Variants in STK32B observed in about 807,000 individuals in gnomAD.
STK32B encodes the protein serine/threonine-protein kinase 32B.
STK32B carries 43 observed loss-of-function variants against 52.6 expected under a neutral mutation model. The observed-to-expected ratio is 0.82, with a 90% CI of 0.64 to 1.05. The LOEUF (loss-of-function observed/expected upper bound fraction) is 1.05. STK32B is among the 50% of genes least tolerant of loss of function. The pLI, the probability that STK32B is intolerant of heterozygous loss-of-function variation, is 0.00. For synonymous variants in STK32B, 238 were observed against 204.3 expected, an observed-to-expected ratio of 1.17 and a Z score of -1.41; for missense variants, 621 against 534.6, an observed-to-expected ratio of 1.16 and a Z score of -1.59.
intron 4 of STK32B, among the ~76,000 whole-genome samples, chr4:5,373,963 T>C (rs75363603): frequency 0.029 from 4,463 of 152,136 alleles, 82 homozygotes; most frequent in East Asian, 0.076. Flanking sequence ...TAATTGAAAA[T>C]AGGATCTTTG....
chr4:5,041,845 A>C, the STK32B span, among the ~76,000 whole-genome samples: 1 of 152,026 alleles, frequency 6.6e-6, no homozygotes, highest in Non-Finnish European at 1.5e-5. Flanking sequence ...GCCAAACAGA[A>C]CATATTGAAA....
At chr4:5,407,227 T>C (rs954408800) in intron 5 of STK32B, among the ~76,000 whole-genome samples, 1 of 152,136 alleles carries the variant, frequency 6.6e-6, no homozygotes, top group African/African-American at 2.4e-5. Context: ...CAGTTCCCAA[T>C]AGGTTCCTCA....
chr4:5,126,787 C>T (rs1560165043), intron 1 of STK32B, among the ~76,000 whole-genome samples: 1 of 152,114 alleles, frequency 6.6e-6, no homozygotes, highest in Non-Finnish European at 1.5e-5. Flanking sequence ...AATGATTCGA[C>T]GGGCAGCTCT....
intron 3 of STK32B, among the ~76,000 whole-genome samples, chr4:5,217,478 T>G (rs1249994811): frequency 6.6e-6 from 1 of 152,220 alleles, no homozygotes; most frequent in Non-Finnish European, 1.5e-5. Context: ...TTTAGCTCAT[T>G]AGCAGTTTTT....
rs1449899342 is a variant in STK32B, at chr4:5,200,475, A to G, written c.260+32025A>G. The stretch of plus-strand genomic sequence containing the variant: ...TGTTTGCCAGGGAGTCGTGGCTCCC[A>G]GTTGCTCCCACATGCTCCCCTTCTC... On this transcript the variant is annotated intron_variant, in intron 3 of 11. Coordinates refer to ENST00000282908, the MANE Select transcript of STK32B (RefSeq NM_018401.3). Among the ~76,000 whole-genome samples the G allele has an allele frequency of 3.3e-5, 5 of 152,140 alleles. No homozygotes were observed. The East Asian group carries it at 9.6e-4, about 29-fold the overall frequency.
upstream of STK32B, among the ~76,000 whole-genome samples, chr4:5,046,846 T>C (rs1028786800): frequency 6.6e-6 from 1 of 152,198 alleles, no homozygotes; most frequent in African/African-American, 2.4e-5. Context: ...CAATAGATGC[T>C]GGTGAGGCTG....
At chr4:5,263,088 C>T (rs569427994) in intron 3 of STK32B, among the ~76,000 whole-genome samples, 83 of 149,930 alleles carry the variant, frequency 5.5e-4, no homozygotes, top group Non-Finnish European at 9.9e-4. Context: ...AGCCCTCTTT[C>T]CACTAGACTA....
chr4:5,441,195 T>G (rs1181054299), intron 6 of STK32B, among the ~76,000 whole-genome samples: 1 of 150,830 alleles, frequency 6.6e-6, no homozygotes, highest in African/African-American at 2.4e-5. Context: ...AGTTCCTCCT[T>G]GTACCTCTGG....
chr4:5,165,520 G>T (rs1437303115), intron 2 of STK32B, among the ~76,000 whole-genome samples: 1 of 152,152 alleles, frequency 6.6e-6, no homozygotes, highest in African/African-American at 2.4e-5. Context: ...TCACAGCGAT[G>T]CAGCCAGCTG....
chr4:5,361,302 C>T (rs1734532875), intron 4 of STK32B, among the ~76,000 whole-genome samples: 2 of 152,228 alleles, frequency 1.3e-5, no homozygotes, highest in African/African-American at 2.4e-5. Flanking sequence ...ATCTCTTTGA[C>T]ACCCTGCTTT....
At chr4:5,412,265 T>C (rs1233109215) in intron 5 of STK32B, among the ~76,000 whole-genome samples, 3 of 152,216 alleles carry the variant, frequency 2.0e-5, no homozygotes, top group Non-Finnish European at 4.4e-5. Context: ...AGTTCGTATT[T>C]TCACATTCTA....
Position 5,240,425 on chromosome 4 carries a change from C to A in STK32B, c.260+71975C>A, listed in dbSNP as rs7654099. On this transcript the variant is annotated intron_variant, in intron 3 of 11. Transcript: ENST00000282908. ...TTAACTTTTCACTCTTTTATGATAC[C>A]TTTTGACATGTAGAAGTTTTAGGGT... Among the ~76,000 whole-genome samples, 9 of 151,858 alleles carry A rather than the reference C, an allele frequency of 5.9e-5. No individual in the cohort carries two copies. In the South Asian group the frequency reaches 1.5e-3, roughly 25 times the overall value.
intron 3 of STK32B, among the ~76,000 whole-genome samples, chr4:5,310,572 T>C (rs1288021133): frequency 6.6e-6 from 1 of 152,076 alleles, no homozygotes; most frequent in African/African-American, 2.4e-5. Context: ...AAGGGAACTC[T>C]AGCACACTGT....
At chr4:5,033,208 ATGATGCCCT>A in the STK32B span, among the ~76,000 whole-genome samples, 1 of 152,204 alleles carries the variant, frequency 6.6e-6, no homozygotes, top group East Asian at 1.9e-4. Flanking sequence ...GAGGGAATGA[ATGATGCCCT>A]TGATTGCCTT....
intron 3 of STK32B, among the ~76,000 whole-genome samples, chr4:5,188,113 A>G (rs1174927745): frequency 6.6e-6 from 1 of 152,184 alleles, no homozygotes; most frequent in Non-Finnish European, 1.5e-5. Context: ...CTGGAGCAGC[A>G]TACATTATTA....
chr4:5,094,635 A>G (rs1044938128), intron 1 of STK32B, among the ~76,000 whole-genome samples: 7 of 152,306 alleles, frequency 4.6e-5, no homozygotes, highest in Middle Eastern at 6.8e-3. Context: ...AGCCTAGGTG[A>G]CAGAGAGAGA....
At chr4:5,288,026 G>A (rs1728661760) in intron 3 of STK32B, among the ~76,000 whole-genome samples, 1 of 152,054 alleles carries the variant, frequency 6.6e-6, no homozygotes, top group African/African-American at 2.4e-5. Context: ...TATTAAGACT[G>A]ATTTCTTTCA....
chr4:5,149,405 T>G (rs1007156092), intron 2 of STK32B, among the ~76,000 whole-genome samples: 6 of 151,900 alleles, frequency 3.9e-5, no homozygotes, highest in Non-Finnish European at 5.9e-5. Flanking sequence ...TTTTTTCTTG[T>G]CTCTGTTCTT....
chr4:5,424,008 C>T (rs974283944), intron 6 of STK32B, among the ~76,000 whole-genome samples: 2 of 152,126 alleles, frequency 1.3e-5, no homozygotes, highest in African/African-American at 4.8e-5. Flanking sequence ...AACCCCACTC[C>T]CCCCGTAGGC....
Sources: gnomAD v4.1 joint callset for allele counts (sites outside exome capture counted in the v4.1 genomes callset) on GRCh38, gnomAD v4.1.1 for gene constraint, MANE v1.5 for transcripts, NCBI Gene and HGNC (gene_info 2026-07-23, HGNC 2026-07-21) for gene names.